RAB6C: variants seen among roughly 807,000 people sequenced by gnomAD.
RAB6C encodes ras-related protein Rab-6C.
Under a neutral mutation model 17.2 loss-of-function variants are expected in RAB6C, and 8 were observed. The observed-to-expected ratio is 0.46, with a 90% CI of 0.27 to 0.84. The LOEUF is 0.84. Among genes scored for constraint, RAB6C ranks in the 40% least tolerant of loss-of-function variants. RAB6C has a pLI of 0.13. For missense variants in RAB6C, 151 were observed against 306.5 expected, an observed-to-expected ratio of 0.49 and a Z score of 3.79; for synonymous variants, 78 against 118.9, an observed-to-expected ratio of 0.66 and a Z score of 2.24.
chr2:129,981,079 G>T lies in RAB6C; in HGVS notation c.*199G>T, dbSNP rs573121904. 957 of 585,024 alleles carry T rather than the reference G, an allele frequency of 1.6e-3. 1 individual carries two copies. The highest frequency in any genetic ancestry group is 2.4e-3 in the Non-Finnish European group (781 of 321,356). The allele number at this position is 585,024 out of a possible 1,614,324, so 36.2% of individuals were successfully genotyped here. Reference sequence around the variant, plus strand: ...ACAGTATGAGTATGGCTTGGTTAACGAGCAGTATGTTCACAGCCTGCTTTA... The same window carrying T: ...ACAGTATGAGTATGGCTTGGTTAACTAGCAGTATGTTCACAGCCTGCTTTA... On this transcript the variant is annotated 3_prime_UTR_variant, in exon 1 of 1. Coordinates refer to ENST00000410061, the MANE Select transcript of RAB6C (RefSeq NM_032144.3).
In RAB6C at chr2:129,981,909, T is replaced by G. The variant is rs1021559363; in HGVS notation, c.*1029T>G. The G allele has an allele frequency of 6.0e-6, 1 of 166,986 alleles. No individual in the cohort carries two copies. The highest frequency in any genetic ancestry group is 2.4e-5 in the African/African-American group (1 of 41,386). 10.3% of individuals were successfully genotyped at this position (166,986 alleles called of 1,614,324 possible). On this transcript the variant is annotated 3_prime_UTR_variant, in exon 1 of 1. Transcript: ENST00000410061. Reference sequence around the variant, plus strand: ...CGGAAGACGGAAACCGGAAACCGTTTTCTTGTAAGCCCCTAGAGGCAGATC... The same window carrying G: ...CGGAAGACGGAAACCGGAAACCGTTGTCTTGTAAGCCCCTAGAGGCAGATC...
In RAB6C at chr2:129,981,871, TGAAGACG is replaced by T. The variant is rs112677904; in HGVS notation, c.*1009_*1015del. 0.76 allele frequency: 125,895 copies of T among 165,880 alleles called. 48,919 individuals carry two copies. The highest frequency in any genetic ancestry group is 0.94 in the African/African-American group (38,926 of 41,218). The allele number at this position is 165,880 out of a possible 1,614,324, so 10.3% of individuals were successfully genotyped here. ...TTGCTCAGGACATTTGAGGTCAAAT[TGAAGACG>T]GAAGACGGAAGACGGAAACCGGAAA... is the stretch of plus-strand genomic sequence containing the variant. On this transcript the variant is annotated 3_prime_UTR_variant, in exon 1 of 1. Transcript: ENST00000410061.
At position 129,981,826 on chromosome 2, in the gene RAB6C, T is replaced by C. The variant is rs1352473356; in HGVS notation, c.*946T>C. 3.0e-5 allele frequency: 5 copies of C among 166,940 alleles called. No homozygotes were observed. Among genetic ancestry groups the C allele is most frequent in the African/African-American group, 1.2e-4 (5 of 41,378 alleles). The allele number at this position is 166,940 out of a possible 1,614,324, so 10.3% of individuals were successfully genotyped here. ...CTAAAGCTTACCAGCAAAAGAACCC[T>C]CAGCAGAATAGCAAAAACTTTGCTC... On this transcript the variant is annotated 3_prime_UTR_variant, in exon 1 of 1. Coordinates refer to ENST00000410061, the MANE Select transcript of RAB6C (RefSeq NM_032144.3).
In RAB6C at chr2:129,980,655, A is replaced by C. The variant is rs1438299806; in HGVS notation, c.540A>C (p.Thr180=). The change falls in exon 1 of 1, where the codon ACA becomes ACC. Residue 180 remains threonine (T), a synonymous_variant. Coordinates refer to ENST00000410061, the MANE Select transcript of RAB6C (RefSeq NM_032144.3). ...CAGCTTTGCCGGGAATGGAAAGCAC[A>C]CAGGACGGAAGCAGAGAAGACATGA... is the stretch of plus-strand genomic sequence containing the variant. ...VAAALPGMES[T]QDGSREDMSD... 6.2e-7 allele frequency: 1 copy of C among 1,612,146 alleles called. No homozygotes were observed. Among genetic ancestry groups the C allele is most frequent in the Non-Finnish European group, 8.5e-7 (1 of 1,179,106 alleles).
Position 129,980,928 on chromosome 2 carries a change from T to C in RAB6C, c.*48T>C. ...AAAAAGTCAGCGTCTTCATTATTTA[T>C]ATTTTACAAAAAGCCAAATTATTTC... On this transcript the variant is annotated 3_prime_UTR_variant, in exon 1 of 1. Coordinates refer to ENST00000410061, the MANE Select transcript of RAB6C (RefSeq NM_032144.3). 1 of 1,548,904 alleles carries C rather than the reference T, an allele frequency of 6.5e-7. No homozygotes were observed. The highest frequency in any genetic ancestry group is 8.7e-7 in the Non-Finnish European group (1 of 1,151,480).
rs1299442823 is a variant in RAB6C, at chr2:129,981,880, AAGACG to A, written c.*1001_*1005del. 2.2e-4 allele frequency: 36 copies of A among 166,792 alleles called. No individual in the cohort carries two copies. Among genetic ancestry groups the A allele is most frequent in the Non-Finnish European group, 5.1e-4 (35 of 68,110 alleles). 10.3% of individuals were successfully genotyped at this position (166,792 alleles called of 1,614,324 possible). A position where few individuals can be genotyped will look rare whatever the true frequency, so the allele number is the denominator to read the frequency against. On this transcript the variant is annotated 3_prime_UTR_variant, in exon 1 of 1. Transcript: ENST00000410061. ...ACATTTGAGGTCAAATTGAAGACGG[AAGACG>A]GAAGACGGAAACCGGAAACCGTTTT...
Position 129,981,054 on chromosome 2 carries a change from A to G in RAB6C, c.*174A>G, listed in dbSNP as rs1204768809. 14 of 655,368 alleles carry G rather than the reference A, an allele frequency of 2.1e-5. No homozygotes were observed. Among genetic ancestry groups the G allele is most frequent in the Admixed American group, 8.9e-5 (3 of 33,576 alleles). The allele number at this position is 655,368 out of a possible 1,614,324, so 40.6% of individuals were successfully genotyped here. On this transcript the variant is annotated 3_prime_UTR_variant, in exon 1 of 1. Coordinates refer to ENST00000410061, the MANE Select transcript of RAB6C (RefSeq NM_032144.3). Reference sequence around the variant, plus strand: ...GTACTTCAAAATGATGGAAATCTCAACAGTATGAGTATGGCTTGGTTAACG... The same window carrying G: ...GTACTTCAAAATGATGGAAATCTCAGCAGTATGAGTATGGCTTGGTTAACG...
At position 129,979,819 on chromosome 2, in the gene RAB6C, C is replaced by A. The variant is rs1488448090; in HGVS notation, c.-297C>A. 2 of 561,884 alleles carry A rather than the reference C, an allele frequency of 3.6e-6. No individual in the cohort carries two copies. Among genetic ancestry groups the A allele is most frequent in the Non-Finnish European group, 6.5e-6 (2 of 307,568 alleles). The allele number at this position is 561,884 out of a possible 1,614,324, so 34.8% of individuals were successfully genotyped here. On this transcript the variant is annotated 5_prime_UTR_variant, in exon 1 of 1. Coordinates refer to ENST00000410061, the MANE Select transcript of RAB6C (RefSeq NM_032144.3). ...TGCGGAAGGAGGGAACGGCCCTAGC[C>A]TTGGGAAGCCAAAGCACACCCCTGG...
rs976412245 is a variant in RAB6C at position 129,982,422 on chromosome 2, A to G, written c.*1542A>G. The G allele has an allele frequency of 6.0e-6, 1 of 167,138 alleles. No homozygotes were observed. Among genetic ancestry groups the G allele is most frequent in the Admixed American group, 6.5e-5 (1 of 15,296 alleles). The allele number at this position is 167,138 out of a possible 1,614,324, so 10.4% of individuals were successfully genotyped here. A position where few individuals can be genotyped will look rare whatever the true frequency, so the allele number is the denominator to read the frequency against. ...ACAGTATAAAGATGAAAAGACAACA[A>G]AAGTATCTTCATACTTCCTCATCCC... On this transcript the variant is annotated 3_prime_UTR_variant, in exon 1 of 1. Transcript: ENST00000410061.
At position 129,980,408 on chromosome 2, in the gene RAB6C, T is replaced by C. The variant is rs1377771755; in HGVS notation, c.293T>C (p.Val98Ala). Residue 98 changes from valine (V) to alanine (A), a missense_variant, in exon 1 of 1, where the codon GTT (valine) becomes GCT (alanine). Val to Ala is a moderately conservative substitution (Grantham distance 64). This residue lies in a region of RAB6C where 136 missense variants were observed against 200.0 expected (regional missense o/e 0.68). Transcript: ENST00000410061. The stretch of plus-strand genomic sequence containing the variant: ...GTAGTAGTTTACGATATCACAAATG[T>C]TAACTCATTCCAGCAAACTACAAAG... ...AAVVVYDITN[V>A]NSFQQTTKWI... 6.2e-7 allele frequency: 1 copy of C among 1,613,336 alleles called. No individual in the cohort carries two copies. The highest frequency in any genetic ancestry group is 8.5e-7 in the Non-Finnish European group (1 of 1,179,924).
rs1681715293 is a variant in RAB6C at position 129,979,977 on chromosome 2, G to A, written c.-139G>A. The A allele has an allele frequency of 7.6e-7, 1 of 1,312,528 alleles. No homozygotes were observed. The highest frequency in any genetic ancestry group is 2.5e-5 in the East Asian group (1 of 39,482). 81.3% of individuals were successfully genotyped at this position (1,312,528 alleles called of 1,614,324 possible). A position where few individuals can be genotyped will look rare whatever the true frequency, so the allele number is the denominator to read the frequency against. ...GCCCTCCAGCCGGGCTCCTCCAGCC[G>A]GGCTCCTCCACCGGCCCTTGCAGGG... is the stretch of plus-strand genomic sequence containing the variant. On this transcript the variant is annotated 5_prime_UTR_variant, in exon 1 of 1. Coordinates refer to ENST00000410061, the MANE Select transcript of RAB6C (RefSeq NM_032144.3).
In RAB6C at chr2:129,980,614, T is replaced by A. The variant is rs1401351265; in HGVS notation, c.499T>A (p.Phe167Ile). The stretch of plus-strand genomic sequence containing the variant: ...AGCTGGATACAATGTAAAGCAGCTC[T>A]TTCGACGTGTAGCAGCAGCTTTGCC... ...AKAGYNVKQL[F>I]RRVAAALPGM... Residue 167 changes from phenylalanine (F) to isoleucine (I), a missense_variant, in exon 1 of 1, where the codon TTT becomes ATT. Phe to Ile is a conservative substitution (Grantham distance 21). Around this residue, in one of 2 missense-constraint regions of RAB6C, gnomAD observed 136 missense variants for 200.0 expected, o/e 0.68. Transcript: ENST00000410061. The A allele has an allele frequency of 5.0e-6, 8 of 1,610,928 alleles. No individual in the cohort carries two copies. The highest frequency in any genetic ancestry group is 5.9e-6 in the Non-Finnish European group (7 of 1,177,744).
chr2:129,980,016 G>A lies in RAB6C; in HGVS notation c.-100G>A. The stretch of plus-strand genomic sequence containing the variant: ...GCCCTTGCAGGGGCGCAGAGAGCTC[G>A]GCGCCCGCCCTTCCGCTCGCCTTTT... On this transcript the variant is annotated 5_prime_UTR_variant, in exon 1 of 1. Coordinates refer to ENST00000410061, the MANE Select transcript of RAB6C (RefSeq NM_032144.3). The A allele has an allele frequency of 1.3e-6, 2 of 1,576,544 alleles. No homozygotes were observed. The highest frequency in any genetic ancestry group is 3.6e-4 in the Middle Eastern group (2 of 5,576).
rs1406732921 is a variant in RAB6C, at chr2:129,982,258, C to A, written c.*1378C>A. On this transcript the variant is annotated 3_prime_UTR_variant, in exon 1 of 1. Coordinates refer to ENST00000410061, the MANE Select transcript of RAB6C (RefSeq NM_032144.3). ...CAAACAAATATACTAGGAGTGTGCC[C>A]TTTTAATCTTTACTAGTTATTGTGA... 1 of 166,710 alleles carries A rather than the reference C, an allele frequency of 6.0e-6. No homozygotes were observed. The highest frequency in any genetic ancestry group is 2.4e-5 in the African/African-American group (1 of 41,328). The allele number at this position is 166,710 out of a possible 1,614,324, so 10.3% of individuals were successfully genotyped here.
Position 129,980,956 on chromosome 2 carries a change from C to T in RAB6C, c.*76C>T. ...TTTACAAAAAGCCAAATTATTTCAG[C>T]ATATTCCGGTGATAACTTTAAAAAT... On this transcript the variant is annotated 3_prime_UTR_variant, in exon 1 of 1. Transcript: ENST00000410061. 5 of 1,523,562 alleles carry T rather than the reference C, an allele frequency of 3.3e-6. No individual in the cohort carries two copies. The South Asian group carries it at 6.6e-5, about 20-fold the overall frequency. The allele number at this position is 1,523,562 out of a possible 1,614,324, so 94.4% of individuals were successfully genotyped here.
In RAB6C at chr2:129,979,688, G is replaced by A. The variant is rs1375253990; in HGVS notation, c.-428G>A. ...CGCACTCAGCAGGTTGGGCTGCGGCGGCGGCGGCTGGGGAAGCCGAAGCGC... is the reference window on the plus strand; with the variant it reads ...CGCACTCAGCAGGTTGGGCTGCGGCAGCGGCGGCTGGGGAAGCCGAAGCGC... On this transcript the variant is annotated 5_prime_UTR_variant, in exon 1 of 1. Coordinates refer to ENST00000410061, the MANE Select transcript of RAB6C (RefSeq NM_032144.3). 1.2e-5 allele frequency: 3 copies of A among 244,404 alleles called. No homozygotes were observed. Among genetic ancestry groups the A allele is most frequent in the Admixed American group, 5.2e-5 (1 of 19,372 alleles). 15.1% of individuals were successfully genotyped at this position (244,404 alleles called of 1,614,324 possible). A position where few individuals can be genotyped will look rare whatever the true frequency, so the allele number is the denominator to read the frequency against.
chr2:129,980,749 A>G lies in RAB6C; in HGVS notation c.634A>G (p.Met212Val). 1 of 1,607,696 alleles carries G rather than the reference A, an allele frequency of 6.2e-7. No homozygotes were observed. The highest frequency in any genetic ancestry group is 8.5e-7 in the Non-Finnish European group (1 of 1,175,586). The change falls in exon 1 of 1, where the codon ATG (methionine) becomes GTG (valine). Residue 212 changes from methionine (M) to valine (V), a missense_variant. By Grantham distance (21) the Met-to-Val change is conservative (BLOSUM62 1). Around this residue, in one of 2 missense-constraint regions of RAB6C, gnomAD observed 136 missense variants for 200.0 expected, o/e 0.68. Transcript: ENST00000410061. Reference sequence around the variant, plus strand: ...AGGGGGTTGTTCCTGCTACTCTCCCATGTCATCTTCAACCCTTCCTCAGAA... The same window carrying G: ...AGGGGGTTGTTCCTGCTACTCTCCCGTGTCATCTTCAACCCTTCCTCAGAA... ...SEGGCSCYSPMSSSTLPQKPP... is the reference protein window; with the variant it reads ...SEGGCSCYSPVSSSTLPQKPP...
At position 129,980,733 on chromosome 2, in the gene RAB6C, T is replaced by C; in HGVS notation, c.618T>C (p.Cys206=). The stretch of plus-strand genomic sequence containing the variant: ...AGCAAACAGTCAGCGAAGGGGGTTG[T>C]TCCTGCTACTCTCCCATGTCATCTT... ...PQEQTVSEGG[C]SCYSPMSSST... Residue 206 remains cysteine, a synonymous_variant, in exon 1 of 1, where the codon TGT becomes TGC. Transcript: ENST00000410061. The C allele has an allele frequency of 6.2e-7, 1 of 1,607,844 alleles. No homozygotes were observed. The highest frequency in any genetic ancestry group is 8.5e-7 in the Non-Finnish European group (1 of 1,175,730).
chr2:129,979,902 C>A lies in RAB6C; in HGVS notation c.-214C>A. ...GCCGCGGGCCTCGCTCCGTGCTCGG[C>A]TACTCTGCCGGGAGGCGGCGGCGGC... On this transcript the variant is annotated 5_prime_UTR_variant, in exon 1 of 1. Transcript: ENST00000410061. The A allele has an allele frequency of 1.2e-6, 1 of 846,058 alleles. No homozygotes were observed. Among genetic ancestry groups the A allele is most frequent in the South Asian group, 1.9e-5 (1 of 54,036 alleles). The allele number at this position is 846,058 out of a possible 1,614,324, so 52.4% of individuals were successfully genotyped here.
Sources: gnomAD v4.1 joint callset for allele counts on GRCh38, gnomAD v4.1.1 for gene constraint, gnomAD v4.1.1 regional missense constraint, MANE v1.5 for transcripts, NCBI Gene and HGNC (gene_info 2026-07-23, HGNC 2026-07-21) for gene names.